EYA2: variants seen among roughly 807,000 people sequenced by gnomAD.
The protein encoded by EYA2 is protein phosphatase EYA2.
Under a neutral mutation model 69.2 loss-of-function variants are expected in EYA2, and 31 were observed. The observed-to-expected ratio is 0.45, with a 90% CI of 0.34 to 0.60. The LOEUF is 0.60. EYA2 is among the 20% of genes least tolerant of loss of function. EYA2 has a pLI of 0.02. For missense variants in EYA2, 622 were observed against 701.2 expected (o/e 0.89, Z 1.28); for synonymous variants, 257 against 279.4 (o/e 0.92, Z 0.80).
chr20:47,073,175 G>A (rs1006387852), intron 6 of EYA2, among the ~76,000 whole-genome samples: 2 of 152,120 alleles, frequency 1.3e-5, no homozygotes, highest in African/African-American at 4.8e-5. Context: ...CTGGGGTGGG[G>A]CCCAGGAAGC....
intron 5 of EYA2, among the ~76,000 whole-genome samples, chr20:47,022,988 A>G (rs961366195): frequency 1.3e-5 from 2 of 152,072 alleles, no homozygotes; most frequent in Non-Finnish European, 2.9e-5. Flanking sequence ...AAGAAACCCC[A>G]TGTCCATTAG....
At chr20:47,109,478 A>C (rs1600715531) in intron 9 of EYA2, among the ~76,000 whole-genome samples, 2 of 151,490 alleles carry the variant, frequency 1.3e-5, no homozygotes, top group South Asian at 2.1e-4. Context: ...GTGTGCATTT[A>C]TTTCTTATGT....
At chr20:47,039,032 G>A (rs1025707847) in intron 5 of EYA2, among the ~76,000 whole-genome samples, 1 of 152,132 alleles carries the variant, frequency 6.6e-6, no homozygotes, top group African/African-American at 2.4e-5. Context: ...TGGCTGAGCC[G>A]CAAGAGGCTT....
intron 5 of EYA2, among the ~76,000 whole-genome samples, chr20:47,025,245 A>G (rs574190141): frequency 3.1e-4 from 47 of 152,268 alleles, no homozygotes; most frequent in African/African-American, 1.0e-3. Flanking sequence ...TGCTTTGGTT[A>G]ATGCTCTGGT....
At chr20:46,988,684 A>G (rs1008242182) in intron 1 of EYA2, among the ~76,000 whole-genome samples, 9 of 152,204 alleles carry the variant, frequency 5.9e-5, no homozygotes, top group Non-Finnish European at 1.3e-4. Context: ...CTTATTTTCT[A>G]AACCCAGTGG....
At chr20:47,144,287 C>T (rs149956852) in intron 10 of EYA2, among the ~76,000 whole-genome samples, 4 of 150,776 alleles carry the variant, frequency 2.7e-5, no homozygotes, top group East Asian at 2.0e-4. Flanking sequence ...ACCCGGAAGG[C>T]GGACCTTGCG....
chr20:46,980,549 A>G (rs1980767121), intron 1 of EYA2, among the ~76,000 whole-genome samples: 1 of 152,264 alleles, frequency 6.6e-6, no homozygotes, highest in Non-Finnish European at 1.5e-5. Context: ...TATAATGTAT[A>G]CAGATCAAAT....
At chr20:47,084,253 A>G (rs1028519048) in intron 7 of EYA2, among the ~76,000 whole-genome samples, 1 of 149,486 alleles carries the variant, frequency 6.7e-6, no homozygotes, top group East Asian at 2.0e-4. Flanking sequence ...CTCAAAAAAA[A>G]AGGCTGGCTC....
At chr20:47,017,051 C>G (rs1983454214) in intron 5 of EYA2, among the ~76,000 whole-genome samples, 1 of 152,102 alleles carries the variant, frequency 6.6e-6, no homozygotes, top group Non-Finnish European at 1.5e-5. Context: ...AGAAAGAACT[C>G]CATTGTGTAA....
At chr20:47,015,550 G>A (rs1488899104) in intron 4 of EYA2, among the ~76,000 whole-genome samples, 2 of 152,110 alleles carry the variant, frequency 1.3e-5, no homozygotes, top group Non-Finnish European at 2.9e-5. Flanking sequence ...GCACTACTCA[G>A]TGGAGTAGTG....
At chr20:47,084,423 C>A (rs1343159936) in intron 7 of EYA2, among the ~76,000 whole-genome samples, 1 of 152,130 alleles carries the variant, frequency 6.6e-6, no homozygotes, top group Admixed American at 6.6e-5. Context: ...GGCTCGTAGT[C>A]CCAGCTACTC....
chr20:47,072,422 GAC>G (rs2031348812), intron 6 of EYA2, among the ~76,000 whole-genome samples, 170 bp downstream of exon 6: 1 of 152,200 alleles, frequency 6.6e-6, no homozygotes, highest in African/African-American at 2.4e-5. Context: ...CTGCTGGAAG[GAC>G]ACAGTATACA....
intron 10 of EYA2, among the ~76,000 whole-genome samples, chr20:47,146,732 G>T (rs2146605392): frequency 6.6e-6 from 1 of 152,340 alleles, no homozygotes; most frequent in Non-Finnish European, 1.5e-5. Context: ...GGCAAAGCCA[G>T]AAGCCTTTGT....
chr20:46,959,454 C>T (rs2146286045), intron 1 of EYA2, among the ~76,000 whole-genome samples: 1 of 152,312 alleles, frequency 6.6e-6, no homozygotes, highest in South Asian at 2.1e-4. Context: ...CAAGTGTTCT[C>T]TGTGGCAGGG....
chr20:47,023,193 C>T lies in EYA2; in HGVS notation c.415+6896C>T, dbSNP rs116481865. ...ACTGTAATAATTTCGTGGGAACCCA[C>T]CCAGAACATCTTTTTGCAAACATAA... On this transcript the variant is annotated intron_variant, in intron 5 of 15. Coordinates refer to ENST00000327619, the MANE Select transcript of EYA2 (RefSeq NM_005244.5). Among the ~76,000 whole-genome samples, 594 of 152,316 alleles carry T rather than the reference C, an allele frequency of 3.9e-3. 7 individuals carry two copies. The highest frequency in any genetic ancestry group is 0.013 in the African/African-American group (561 of 41,562).
At chr20:46,931,297 T>C (rs1240169422) in intron 1 of EYA2, among the ~76,000 whole-genome samples, 1 of 152,210 alleles carries the variant, frequency 6.6e-6, no homozygotes, top group East Asian at 1.9e-4. Context: ...AACACTAAAA[T>C]ATAGATTGTA....
chr20:46,951,680 C>T (rs905976404), intron 1 of EYA2, among the ~76,000 whole-genome samples: 1 of 152,224 alleles, frequency 6.6e-6, no homozygotes, highest in African/African-American at 2.4e-5. Context: ...AGCTCCCCCA[C>T]TAACCTGCTG....
intron 9 of EYA2, among the ~76,000 whole-genome samples, chr20:47,123,203 G>A (rs2033097413): frequency 6.6e-6 from 1 of 151,960 alleles, no homozygotes. Context: ...CACATTCATG[G>A]GGTACATGGT....
intron 5 of EYA2, among the ~76,000 whole-genome samples, chr20:47,051,004 A>G (rs1177413655): frequency 6.6e-6 from 1 of 152,238 alleles, no homozygotes; most frequent in African/African-American, 2.4e-5. Context: ...CTCCATTTGA[A>G]AAGTATCAGT....
Sources: allele counts gnomAD v4.1 joint callset (sites outside exome capture counted in the v4.1 genomes callset), GRCh38; gene constraint gnomAD v4.1.1; transcripts MANE v1.5; gene names NCBI Gene and HGNC (gene_info 2026-07-23, HGNC 2026-07-21).